RPH3A: variants seen among roughly 807,000 people sequenced by gnomAD.
The protein encoded by RPH3A is rabphilin 3A, also known as rabphilin-3A.
Under a neutral mutation model 102.2 loss-of-function variants are expected in RPH3A, and 48 were observed. The ratio of observed to expected loss-of-function variants is 0.47; its 90% CI spans 0.37 to 0.60. The LOEUF (loss-of-function observed/expected upper bound fraction) is 0.60, where lower values mean the gene tolerates loss of function less well. Among genes scored for constraint, RPH3A ranks in the 20% least tolerant of loss-of-function variants. RPH3A has a pLI of 0.00. For missense variants in RPH3A, 781 were observed against 910.1 expected (o/e 0.86, Z 1.83); for synonymous variants, 310 against 324.3 (o/e 0.96, Z 0.47).
At chr12:112,837,808 A>G (rs1440337241) in intron 4 of RPH3A, 1 of 455,836 alleles carries the variant, frequency 2.2e-6, no homozygotes, top group African/African-American at 2.0e-5. Flanking sequence ...GCAGGTTGAA[A>G]GGTAGCATGT....
chr12:112,742,906 A>G lies in RPH3A; in HGVS notation c.-139-49237A>G, dbSNP rs138872152. ...TTGGCAGGGCTGTGTTCCTCCTGGA[A>G]GCTCTAGGGGAGGAGAATTTGCTTT... On this transcript the variant is annotated intron_variant, in intron 1 of 21. Transcript: ENST00000543106. Among the ~76,000 whole-genome samples, 213 of 152,268 alleles carry G rather than the reference A, an allele frequency of 1.4e-3. 1 individual carries two copies. The highest frequency in any genetic ancestry group is 4.8e-3 in the African/African-American group (200 of 41,554).
At chr12:112,740,845 G>T (rs2040704096) in intron 1 of RPH3A, among the ~76,000 whole-genome samples, 1 of 152,148 alleles carries the variant, frequency 6.6e-6, no homozygotes, top group South Asian at 2.1e-4. Context: ...TCTCCATATG[G>T]GATGTCTCCT....
At chr12:112,725,390 G>A (rs1002786146) in intron 1 of RPH3A, among the ~76,000 whole-genome samples, 3 of 152,158 alleles carry the variant, frequency 2.0e-5, no homozygotes, top group Admixed American at 6.5e-5. Context: ...GAGGGGAAGA[G>A]GGGAGAAAGG....
intron 2 of RPH3A, among the ~76,000 whole-genome samples, chr12:112,796,544 G>A (rs1455863115): frequency 1.3e-5 from 2 of 152,232 alleles, no homozygotes; most frequent in Admixed American, 6.5e-5. Flanking sequence ...CCAGAGGCCT[G>A]CATACAGTAG....
chr12:112,594,165 G>A (rs1172322242), intron 1 of RPH3A, among the ~76,000 whole-genome samples: 1 of 152,128 alleles, frequency 6.6e-6, no homozygotes, highest in African/African-American at 2.4e-5. Context: ...CTGACTTCTA[G>A]TATTCTCATT....
chr12:112,638,561 A>G (rs2039864058), intron 1 of RPH3A, among the ~76,000 whole-genome samples: 1 of 152,202 alleles, frequency 6.6e-6, no homozygotes, highest in Non-Finnish European at 1.5e-5. Flanking sequence ...AGGGATCTTG[A>G]AAATTAATTC....
At chr12:112,889,950 G>C in intron 17 of RPH3A, 74 bp from the exon 18 acceptor site, 2 of 1,389,090 alleles carry the variant, frequency 1.4e-6, no homozygotes, top group Non-Finnish European at 2.0e-6. Flanking sequence ...AGTATGAGGG[G>C]TTTCTGGTCC....
rs1355037452 is a variant in RPH3A, at chr12:112,887,859, C to G, written c.1499C>G (p.Ser500Cys). ...GAATTTATTGGTGAGACCAGATTCT[C>G]CCTCAAGAAACTGAAGCCCAACCAG... is the stretch of plus-strand genomic sequence containing the variant. ...HNEFIGETRF[S>C]LKKLKPNQRK... The change falls in exon 17 of 22, where the codon TCC becomes TGC. Residue 500 changes from serine to cysteine, a missense_variant. Physicochemically the swap from Ser to Cys is moderately radical, Grantham distance 112. Around this residue, in one of 2 missense-constraint regions of RPH3A, gnomAD observed 730 missense variants for 810.0 expected, o/e 0.90. Coordinates refer to ENST00000389385, the MANE Select transcript of RPH3A (RefSeq NM_001143854.2). 6.2e-7 allele frequency: 1 copy of G among 1,613,908 alleles called. No individual in the cohort carries two copies. Among genetic ancestry groups the G allele is most frequent in the Non-Finnish European group, 8.5e-7 (1 of 1,179,840 alleles).
At chr12:112,887,132 C>A (rs2043014501) in intron 16 of RPH3A, among the ~76,000 whole-genome samples, 1 of 152,120 alleles carries the variant, frequency 6.6e-6, no homozygotes, top group African/African-American at 2.4e-5. Context: ...TAGTCCATGG[C>A]CAGCAACCCT....
upstream of RPH3A, among the ~76,000 whole-genome samples, chr12:112,789,290 T>G (rs770457709): frequency 2.0e-5 from 3 of 152,222 alleles, no homozygotes; most frequent in Admixed American, 2.0e-4. Context: ...AGCTCTTTGA[T>G]TATGGACAAG....
chr12:112,743,977 C>T (rs934681505), intron 1 of RPH3A, among the ~76,000 whole-genome samples: 3 of 152,220 alleles, frequency 2.0e-5, no homozygotes, highest in South Asian at 2.1e-4. Flanking sequence ...CAGTGTAGCA[C>T]TGGCCTGGCA....
chr12:112,860,168 C>G (rs1439830938), intron 5 of RPH3A, among the ~76,000 whole-genome samples: 1 of 152,210 alleles, frequency 6.6e-6, no homozygotes, highest in Non-Finnish European at 1.5e-5. Flanking sequence ...AGTTTAAAGT[C>G]TTAAGCTGTT....
At chr12:112,771,805 T>G (rs2040929303) in intron 1 of RPH3A, among the ~76,000 whole-genome samples, 1 of 152,198 alleles carries the variant, frequency 6.6e-6, no homozygotes, top group South Asian at 2.1e-4. Flanking sequence ...TAGTAAGTTG[T>G]AAAATCCTAC....
At chr12:112,611,652 G>T (rs906773058) in intron 1 of RPH3A, among the ~76,000 whole-genome samples, 1 of 152,054 alleles carries the variant, frequency 6.6e-6, no homozygotes, top group African/African-American at 2.4e-5. Context: ...CACCATGTTG[G>T]TCAGGCTGGT....
At chr12:112,773,225 A>T (rs1014543709) in intron 1 of RPH3A, among the ~76,000 whole-genome samples, 4 of 152,068 alleles carry the variant, frequency 2.6e-5, no homozygotes, top group Non-Finnish European at 5.9e-5. Flanking sequence ...GCTATTGTGA[A>T]TTGGGCTTAC....
At chr12:112,759,732 C>T (rs1006661662) in intron 1 of RPH3A, among the ~76,000 whole-genome samples, 1 of 152,160 alleles carries the variant, frequency 6.6e-6, no homozygotes, top group Non-Finnish European at 1.5e-5. Context: ...AAGGGGTTGT[C>T]TAGCCCCTGC....
At chr12:112,777,414 G>A (rs761582043) in intron 1 of RPH3A, among the ~76,000 whole-genome samples, 3 of 152,194 alleles carry the variant, frequency 2.0e-5, no homozygotes, top group Non-Finnish European at 4.4e-5. Context: ...GAGCAAGTCT[G>A]TTGATAGAAA....
intron 4 of RPH3A, chr12:112,841,985 A>T (rs996772005): frequency 2.2e-6 from 1 of 455,900 alleles, no homozygotes; most frequent in African/African-American, 2.0e-5. Flanking sequence ...CAAGGAATTG[A>T]TTTGGACACT....
rs559703673 is a variant in RPH3A, at chr12:112,860,068, C to A, written c.231-5346C>A. 2.0e-5 allele frequency among the ~76,000 whole-genome samples: 3 copies of A among 152,334 alleles called. No homozygotes were observed. In the East Asian group the frequency reaches 5.8e-4, roughly 29 times the overall value. On this transcript the variant is annotated intron_variant, in intron 5 of 21. Transcript: ENST00000389385. ...CCAAGACTGGTAAAAACACATCTTT[C>A]TTCTGGGGTGAAGATGCTGAAACCC...
Sources: allele counts gnomAD v4.1 joint callset (sites outside exome capture counted in the v4.1 genomes callset), GRCh38; gene constraint gnomAD v4.1.1; regional missense constraint gnomAD v4.1.1; transcripts MANE v1.5; gene names NCBI Gene and HGNC (gene_info 2026-07-23, HGNC 2026-07-21).